Variants in TUSC3 observed in about 807,000 individuals in gnomAD.
TUSC3 encodes the protein tumor suppressor candidate 3.
Under a neutral mutation model 44.8 loss-of-function variants are expected in TUSC3, and 45 were observed. The ratio of observed to expected loss-of-function variants is 1.00; its 90% CI spans 0.79 to 1.29. The LOEUF is 1.29. TUSC3 is among the 50% of genes most tolerant of loss of function. The pLI is 0.00. For missense variants in TUSC3, 519 were observed against 437.9 expected, an observed-to-expected ratio of 1.19 and a Z score of -1.65; for synonymous variants, 212 against 152.9, an observed-to-expected ratio of 1.39 and a Z score of -2.85.
Position 15,675,365 on chromosome 8 carries a change from C to T in TUSC3, c.798+1529C>T, listed in dbSNP as rs566193209. 5.5e-4 allele frequency among the ~76,000 whole-genome samples: 83 copies of T among 151,844 alleles called. 1 individual carries two copies. Among genetic ancestry groups the T allele is most frequent in the African/African-American group, 9.9e-4 (41 of 41,398 alleles). ...ATTGTTTATGGTTTGTTAAAGTATACGAAAAGTTATTCAACATTCTTATGA... is the reference window on the plus strand; with the variant it reads ...ATTGTTTATGGTTTGTTAAAGTATATGAAAAGTTATTCAACATTCTTATGA... On this transcript the variant is annotated intron_variant, in intron 6 of 10. Transcript: ENST00000503731.
At chr8:15,455,210 G>A (rs1800239080) in intron 1 of TUSC3, among the ~76,000 whole-genome samples, 3 of 152,110 alleles carry the variant, frequency 2.0e-5, no homozygotes, top group Non-Finnish European at 1.5e-5. Context: ...TCTGGCATTT[G>A]TCCTCCTATT....
At chr8:15,779,062 G>GGTAA in the TUSC3 span, among the ~76,000 whole-genome samples, 850 of 151,154 alleles carry the variant, frequency 5.6e-3, 8 homozygotes, top group African/African-American at 0.019. Flanking sequence ...ATACATCCTG[G>GGTAA]GTAAGTACTA....
chr8:15,522,324 C>T (rs1456182525), intron 2 of TUSC3, among the ~76,000 whole-genome samples: 1 of 152,032 alleles, frequency 6.6e-6, no homozygotes, highest in East Asian at 1.9e-4. Context: ...CCTCTGCCTC[C>T]CGGGTTCAAG....
At chr8:15,838,156 A>T in the TUSC3 span, among the ~76,000 whole-genome samples, 1 of 152,178 alleles carries the variant, frequency 6.6e-6, no homozygotes, top group Non-Finnish European at 1.5e-5. Flanking sequence ...GTGCCCTGAA[A>T]ATATCTTCCT....
the TUSC3 span, among the ~76,000 whole-genome samples, chr8:15,779,035 A>C: frequency 6.6e-6 from 1 of 151,228 alleles, no homozygotes; most frequent in East Asian, 1.9e-4. Flanking sequence ...GGAATAGTCT[A>C]TTTCAGTTAC....
At chr8:15,736,917 AT>A (rs1297078332) in intron 7 of TUSC3, among the ~76,000 whole-genome samples, 1 of 152,162 alleles carries the variant, frequency 6.6e-6, no homozygotes, top group Non-Finnish European at 1.5e-5. Context: ...CAACTATATA[AT>A]CTCTGACCTA....
chr8:15,626,339 G>C (rs1398213912), intron 2 of TUSC3, among the ~76,000 whole-genome samples: 2 of 152,242 alleles, frequency 1.3e-5, no homozygotes, highest in African/African-American at 2.4e-5. Context: ...GAGCAGGGCA[G>C]TCAGGTATGG....
At chr8:15,547,893 G>A (rs980298518) in intron 1 of TUSC3, among the ~76,000 whole-genome samples, 1 of 151,568 alleles carries the variant, frequency 6.6e-6, no homozygotes, top group African/African-American at 2.4e-5. Flanking sequence ...ATCTTTACAC[G>A]ATTAACCAAC....
At chr8:15,676,693 C>G (rs1455573035) in intron 6 of TUSC3, among the ~76,000 whole-genome samples, 2 of 152,118 alleles carry the variant, frequency 1.3e-5, no homozygotes, top group Admixed American at 1.3e-4. Context: ...GCCAGGAATG[C>G]TGCTAAACAC....
intron 1 of TUSC3, among the ~76,000 whole-genome samples, chr8:15,433,358 A>T (rs1799901392): frequency 6.6e-6 from 1 of 152,148 alleles, no homozygotes; most frequent in African/African-American, 2.4e-5. Context: ...ATTTTTTAAA[A>T]ATTTTTCTTC....
In TUSC3 at chr8:15,650,660, C is replaced by G. The variant is rs142574216; in HGVS notation, c.309-37C>G. Reference sequence around the variant, plus strand: ...TAACTGCTTTGTAGATGCTTCAGTACTGATGTGTTTCTACTATGGCCCATT... The same window carrying G: ...TAACTGCTTTGTAGATGCTTCAGTAGTGATGTGTTTCTACTATGGCCCATT... On this transcript the variant is annotated intron_variant, in intron 2 of 10. Transcript: ENST00000503731. 27 of 1,569,070 alleles carry G rather than the reference C, an allele frequency of 1.7e-5. No homozygotes were observed. In the African/African-American group the frequency reaches 3.4e-4, roughly 20 times the overall value.
intron 1 of TUSC3, among the ~76,000 whole-genome samples, chr8:15,426,638 C>T (rs1368191721): frequency 6.6e-6 from 1 of 152,166 alleles, no homozygotes; most frequent in Non-Finnish European, 1.5e-5. Flanking sequence ...ATTCTTCTGT[C>T]AATGGACACT....
At chr8:15,840,391 C>G in the TUSC3 span, among the ~76,000 whole-genome samples, 1 of 151,578 alleles carries the variant, frequency 6.6e-6, no homozygotes, top group East Asian at 1.9e-4. Flanking sequence ...AAAAATAAAT[C>G]AATAAATAAC....
chr8:15,845,707 G>A, the TUSC3 span, among the ~76,000 whole-genome samples: 3 of 152,080 alleles, frequency 2.0e-5, no homozygotes, highest in African/African-American at 7.2e-5. Context: ...TGCTCTAGGG[G>A]TTTGGAAAAG....
chr8:15,770,196 T>G (rs1355121817), downstream of TUSC3, among the ~76,000 whole-genome samples: 1 of 152,028 alleles, frequency 6.6e-6, no homozygotes, highest in Non-Finnish European at 1.5e-5. Context: ...ATAAAGAAAA[T>G]GTGGCACATA....
At chr8:15,459,385 T>C (rs1800309434) in intron 1 of TUSC3, among the ~76,000 whole-genome samples, 1 of 152,160 alleles carries the variant, frequency 6.6e-6, no homozygotes, top group Non-Finnish European at 1.5e-5. Flanking sequence ...TCTTTTTTTT[T>C]GACATTAATT....
intron 1 of TUSC3, among the ~76,000 whole-genome samples, chr8:15,603,726 A>G (rs986327778): frequency 6.6e-6 from 1 of 151,658 alleles, no homozygotes; most frequent in Non-Finnish European, 1.5e-5. Flanking sequence ...AATGAATGGA[A>G]TGGAATAGGA....
chr8:15,646,074 C>G (rs531802834), intron 2 of TUSC3, among the ~76,000 whole-genome samples: 25 of 152,210 alleles, frequency 1.6e-4, no homozygotes, highest in African/African-American at 6.0e-4. Context: ...AACAGCTATG[C>G]ATAAAATCAG....
the TUSC3 span, among the ~76,000 whole-genome samples, chr8:15,840,750 C>A: frequency 1.9e-4 from 29 of 152,104 alleles, no homozygotes; most frequent in Non-Finnish European, 3.7e-4. Flanking sequence ...TAATTTTTAT[C>A]CTTTGAAAGA....
Sources: gnomAD v4.1 joint callset for allele counts (sites outside exome capture counted in the v4.1 genomes callset) on GRCh38, gnomAD v4.1.1 for gene constraint, MANE v1.5 for transcripts, NCBI Gene and HGNC (gene_info 2026-07-23, HGNC 2026-07-21) for gene names.